RXFP1: variants seen among roughly 807,000 people sequenced by gnomAD.
RXFP1 encodes the protein relaxin family peptide receptor 1.
RXFP1 carries 73 observed loss-of-function variants against 89.8 expected under a neutral mutation model. That is an observed-to-expected ratio of 0.81 (90% CI 0.67 to 0.99). The LOEUF is 0.99. Ranked by LOEUF, RXFP1 falls within the 50% of genes least tolerant of loss-of-function variation. RXFP1 has a pLI of 0.00. For missense variants in RXFP1, 793 were observed against 895.5 expected, an observed-to-expected ratio of 0.89 and a Z score of 1.46; for synonymous variants, 277 against 305.5, an observed-to-expected ratio of 0.91 and a Z score of 0.97.
chr4:158,623,342 CAA>C (rs35034196), intron 9 of RXFP1, among the ~76,000 whole-genome samples: 15 of 106,284 alleles, frequency 1.4e-4, no homozygotes, highest in Admixed American at 1.9e-4. Context: ...CTACTAAATA[CAA>C]AAAAAAAAAA....
chr4:158,528,782 C>T (rs1743246101), intron 1 of RXFP1, among the ~76,000 whole-genome samples: 2 of 152,246 alleles, frequency 1.3e-5, no homozygotes, highest in South Asian at 4.1e-4. Context: ...AATTTATAGA[C>T]TATCAGAATC....
intron 2 of RXFP1, among the ~76,000 whole-genome samples, chr4:158,584,417 G>C (rs900028007): frequency 2.0e-5 from 3 of 151,690 alleles, no homozygotes; most frequent in Non-Finnish European, 4.4e-5. Context: ...CTGGGCAACA[G>C]GGTGAGACTC....
intron 3 of RXFP1, among the ~76,000 whole-genome samples, chr4:158,597,732 C>T (rs1314137975): frequency 6.6e-6 from 1 of 152,092 alleles, no homozygotes; most frequent in Non-Finnish European, 1.5e-5. Context: ...CTGGGATTAA[C>T]GCTAATTTCA....
chr4:158,632,803 AAC>A (rs1453882443), intron 11 of RXFP1, among the ~76,000 whole-genome samples: 2 of 152,192 alleles, frequency 1.3e-5, no homozygotes, highest in African/African-American at 4.8e-5. Context: ...CATCTATTCT[AAC>A]ACACAAAAAA....
At chr4:158,535,815 C>A (rs1579395905) in intron 1 of RXFP1, among the ~76,000 whole-genome samples, 1 of 152,236 alleles carries the variant, frequency 6.6e-6, no homozygotes, top group Non-Finnish European at 1.5e-5. Flanking sequence ...ACTATTATCT[C>A]TATTTCTCAT....
chr4:158,546,888 A>G lies in RXFP1; in HGVS notation c.49+24863A>G, dbSNP rs569872322. ...GAGGATTTTTGCATCAATGTTCATC[A>G]AGGATGTTGGTCTAAAATTCTCTTT... On this transcript the variant is annotated intron_variant, in intron 1 of 17. Coordinates refer to ENST00000307765, the MANE Select transcript of RXFP1 (RefSeq NM_021634.4). Among the ~76,000 whole-genome samples, 7 of 152,256 alleles carry G rather than the reference A, an allele frequency of 4.6e-5. No homozygotes were observed. The East Asian group carries it at 1.4e-3, about 29-fold the overall frequency.
At chr4:158,589,472 C>T (rs1758971857) in intron 2 of RXFP1, among the ~76,000 whole-genome samples, 1 of 152,142 alleles carries the variant, frequency 6.6e-6, no homozygotes, top group South Asian at 2.1e-4. Flanking sequence ...TGTTCTGCAG[C>T]ATGCTGGGCT....
intron 15 of RXFP1, chr4:158,646,268 G>A (rs1317068121): frequency 2.3e-6 from 1 of 444,146 alleles, no homozygotes; most frequent in South Asian, 1.6e-5. Context: ...TGACTGCAAA[G>A]CAGTTCATAA....
chr4:158,605,977 C>T (rs1762476991), intron 5 of RXFP1, among the ~76,000 whole-genome samples: 2 of 152,104 alleles, frequency 1.3e-5, no homozygotes, highest in East Asian at 1.9e-4. Flanking sequence ...AGAATTAACC[C>T]ACTTCCTTCA....
At chr4:158,640,086 T>C (rs1186577749) in intron 14 of RXFP1, among the ~76,000 whole-genome samples, 1 of 152,204 alleles carries the variant, frequency 6.6e-6, no homozygotes, top group Non-Finnish European at 1.5e-5. Flanking sequence ...AGCAGCCAAG[T>C]GGACTGAGAC....
intron 1 of RXFP1, chr4:158,544,154 C>T (rs895541267): frequency 8.1e-6 from 8 of 983,166 alleles, no homozygotes; most frequent in Admixed American, 6.2e-5. Flanking sequence ...TCTAGAACCA[C>T]TGTCTTCATT....
At chr4:158,597,620 G>C (rs1292273231) in intron 3 of RXFP1, among the ~76,000 whole-genome samples, 2 of 151,878 alleles carry the variant, frequency 1.3e-5, no homozygotes, top group Non-Finnish European at 2.9e-5. Flanking sequence ...TTGGCTGTTG[G>C]ATATTTATGT....
intron 1 of RXFP1, among the ~76,000 whole-genome samples, chr4:158,547,129 C>T (rs1430632326): frequency 2.0e-5 from 3 of 152,142 alleles, no homozygotes; most frequent in Non-Finnish European, 4.4e-5. Flanking sequence ...ATTTCAAAGT[C>T]TGTTATTGGT....
intron 1 of RXFP1, among the ~76,000 whole-genome samples, chr4:158,555,512 G>A (rs1316848268): frequency 6.6e-6 from 1 of 152,132 alleles, no homozygotes; most frequent in Non-Finnish European, 1.5e-5. Context: ...CCCAAATAAT[G>A]TCAAAGAGAA....
intron 1 of RXFP1, among the ~76,000 whole-genome samples, chr4:158,559,506 C>T (rs78443971): frequency 0.037 from 5,588 of 152,102 alleles, 339 homozygotes; most frequent in African/African-American, 0.13. Context: ...CCCCCTGCCC[C>T]GCTGCATTGA....
At chr4:158,533,389 A>G (rs1481200182) in intron 1 of RXFP1, among the ~76,000 whole-genome samples, 2 of 152,218 alleles carry the variant, frequency 1.3e-5, no homozygotes, top group Admixed American at 6.5e-5. Flanking sequence ...AATGGACATT[A>G]CCCTAAAATC....
At chr4:158,648,867 C>G in intron 17 of RXFP1, 150 bp downstream of exon 17, 1 of 586,636 alleles carries the variant, frequency 1.7e-6, no homozygotes, top group Non-Finnish European at 2.9e-6. Flanking sequence ...AATCCCAGCA[C>G]TCTGGGAGGC....
chr4:158,609,676 G>A (rs1202609386), intron 6 of RXFP1, among the ~76,000 whole-genome samples: 2 of 152,120 alleles, frequency 1.3e-5, no homozygotes, highest in Non-Finnish European at 2.9e-5. Flanking sequence ...GAAGACTGCA[G>A]GAGACTCGAA....
chr4:158,635,663 T>C (rs1390931808), intron 12 of RXFP1, among the ~76,000 whole-genome samples: 1 of 152,290 alleles, frequency 6.6e-6, no homozygotes, highest in East Asian at 1.9e-4. Context: ...CATCCTTTAT[T>C]ATGTGAGGTA....
Sources: allele counts gnomAD v4.1 joint callset (sites outside exome capture counted in the v4.1 genomes callset), GRCh38; gene constraint gnomAD v4.1.1; transcripts MANE v1.5; gene names NCBI Gene and HGNC (gene_info 2026-07-23, HGNC 2026-07-21).